MAGT1: variants seen among roughly 807,000 people sequenced by gnomAD.
MAGT1 encodes the protein dolichyl-diphosphooligosaccharide--protein glycosyltransferase subunit MAGT1.
A neutral mutation model predicts 28.4 loss-of-function variants in MAGT1; 4 were observed. The ratio of observed to expected loss-of-function variants is 0.14; its 90% confidence interval spans 0.07 to 0.32. MAGT1 has a LOEUF of 0.32. MAGT1 is among the 10% of genes least tolerant of loss of function. The pLI is 1.00. For missense variants in MAGT1, 193 were observed against 264.5 expected, an observed-to-expected ratio of 0.73 and a Z score of 1.88; for synonymous variants, 89 against 89.7, an observed-to-expected ratio of 0.99 and a Z score of 0.04.
At chrX:77,895,476 AC>A, upstream of MAGT1, 2 of 1,184,125 alleles carry the variant, frequency 1.7e-6, no homozygotes, top group Non-Finnish European at 2.3e-6. Context: ...GGGCGTGAGA[AC>A]AGGCAAATCG....
At chrX:77,855,372 T>C (rs1557215884) in intron 6 of MAGT1, 129 bp downstream of exon 6, 1 of 499,645 alleles carries the variant, frequency 2.0e-6, no homozygotes, top group African/African-American at 2.4e-5. Flanking sequence ...TGGAAGCTTG[T>C]TAACACAAGA....
intron 1 of MAGT1, among the ~76,000 whole-genome samples, chrX:77,878,214 G>A (rs1265916099): frequency 9.0e-5 from 9 of 99,881 alleles, no homozygotes; most frequent in Non-Finnish European, 1.2e-4. Flanking sequence ...GCTTGAACCC[G>A]GGAGACGGAG....
intron 2 of MAGT1, among the ~76,000 whole-genome samples, chrX:77,871,689 A>C (rs1168858525): frequency 1.8e-5 from 2 of 110,756 alleles, no homozygotes; most frequent in Non-Finnish European, 3.8e-5. Context: ...CAAAAATACA[A>C]AAATTAACCG....
chrX:77,841,264 C>G lies in MAGT1; in HGVS notation c.883G>C (p.Asp295His). The part of the protein sequence containing the change: ...LLCEAATSDM[D>H]IGKRKIMCVA... ...GACTTACTCTTTCGCTTTCCAATAT[C>G]CATGTCAGAGGTAGCAGCTTCACAT... Residue 295 changes from aspartate to histidine, a missense_variant, in exon 8 of 10, where the codon GAT becomes CAT. By Grantham distance (81) the Asp-to-His change is moderately conservative. Transcript: ENST00000618282. The G allele has an allele frequency of 8.3e-7, 1 of 1,205,188 alleles. No homozygotes were observed. The highest frequency in any genetic ancestry group is 1.1e-6 in the Non-Finnish European group (1 of 889,837).
At chrX:77,874,899 G>T (rs1307355529) in intron 2 of MAGT1, among the ~76,000 whole-genome samples, 1 of 107,769 alleles carries the variant, frequency 9.3e-6, no homozygotes, top group Non-Finnish European at 1.9e-5. Context: ...CTGTCGCCCA[G>T]GCTGGAGTGC....
chrX:77,866,140 C>T lies in MAGT1; in HGVS notation c.390+4668G>A, dbSNP rs1480432229. Among the ~76,000 whole-genome samples the T allele has an allele frequency of 3.3e-4, 21 of 62,976 alleles. 4 individuals are homozygous for T. The highest frequency in any genetic ancestry group is 7.7e-4 in the Non-Finnish European group (18 of 23,482). 54.7% of individuals were successfully genotyped at this position (62,976 alleles called of 115,157 possible). On this transcript the variant is annotated intron_variant, in intron 3 of 9. Transcript: ENST00000618282. Reference sequence around the variant, plus strand: ...CACTCCAGCCTGGGTGACAGCAAGACTCCACCTCAATTAAAAAAAAAAAAA... The same window carrying T: ...CACTCCAGCCTGGGTGACAGCAAGATTCCACCTCAATTAAAAAAAAAAAAA...
intron 7 of MAGT1, 30 bp from the exon 8 acceptor site, chrX:77,841,350 C>T (rs1557214390): frequency 2.0e-6 from 2 of 1,002,348 alleles, no homozygotes; most frequent in Non-Finnish European, 2.8e-6. Flanking sequence ...GAGAAATTCG[C>T]ACAGACAAAA....
At chrX:77,876,272 T>C (rs1421854407) in intron 1 of MAGT1, among the ~76,000 whole-genome samples, 1 of 102,114 alleles carries the variant, frequency 9.8e-6, no homozygotes, top group East Asian at 3.0e-4. Context: ...CTCCCAAGTG[T>C]TGGCATTACA....
intron 9 of MAGT1, among the ~76,000 whole-genome samples, chrX:77,830,216 G>A (rs1461939480): frequency 6.2e-5 from 7 of 112,014 alleles, no homozygotes; most frequent in African/African-American, 2.3e-4. Flanking sequence ...TAGCCTCTTG[G>A]GAAGCTGAGG....
intron 3 of MAGT1, among the ~76,000 whole-genome samples, chrX:77,869,129 C>A (rs1200650171): frequency 9.0e-6 from 1 of 111,265 alleles, no homozygotes; most frequent in Non-Finnish European, 1.9e-5. Context: ...GATTCTCATG[C>A]CTCAGCATCC....
At chrX:77,895,467 G>C (rs782611031), upstream of MAGT1, 2 of 1,190,543 alleles carry the variant, frequency 1.7e-6, no homozygotes, top group East Asian at 6.1e-5. Context: ...CTGAGGGTGG[G>C]GCGTGAGAAC....
intron 3 of MAGT1, among the ~76,000 whole-genome samples, chrX:77,864,441 C>T (rs1361471975): frequency 9.0e-6 from 1 of 110,987 alleles, no homozygotes; most frequent in Non-Finnish European, 1.9e-5. Flanking sequence ...GAAATGTTCC[C>T]AACATATAGA....
chrX:77,857,254 T>A lies in MAGT1; in HGVS notation c.531+103A>T, dbSNP rs1250118597. 4.9e-6 allele frequency: 5 copies of A among 1,011,872 alleles called. No homozygotes were observed. In the African/African-American group the frequency reaches 9.4e-5, roughly 19 times the overall value. The allele number at this position is 1,011,872 out of a possible 1,213,427, so 83.4% of individuals were successfully genotyped here. A position where few individuals can be genotyped will look rare whatever the true frequency, so the allele number is the denominator to read the frequency against. ...GCTACTTATGAAGTGACTGCCAAAC[T>A]AGTACCACCTCAGTGATATGGGGAC... On this transcript the variant is annotated intron_variant, in intron 4 of 9. Coordinates refer to ENST00000618282, the MANE Select transcript of MAGT1 (RefSeq NM_001367916.1).
rs891827238 is a variant in MAGT1 at position 77,840,018 on chromosome X, T to C, written c.901+1228A>G. Among the ~76,000 whole-genome samples the C allele has an allele frequency of 3.7e-4, 41 of 111,002 alleles. 1 individual carries two copies. The highest frequency in any genetic ancestry group is 1.3e-3 in the African/African-American group (40 of 30,610). On this transcript the variant is annotated intron_variant, in intron 8 of 9. Coordinates refer to ENST00000618282, the MANE Select transcript of MAGT1 (RefSeq NM_001367916.1). ...AACTTGCCAAAATAATCTGTAATGA[T>C]TAAAACATCAAGAGAATTGAAAATA...
At chrX:77,864,360 A>G (rs1028986500) in intron 3 of MAGT1, among the ~76,000 whole-genome samples, 1 of 110,867 alleles carries the variant, frequency 9.0e-6, no homozygotes, top group Non-Finnish European at 1.9e-5. Context: ...CTAATGTTCC[A>G]TAGCAGAGTA....
At chrX:77,835,345 G>C (rs2076913696) in intron 8 of MAGT1, among the ~76,000 whole-genome samples, 1 of 111,624 alleles carries the variant, frequency 9.0e-6, no homozygotes, top group African/African-American at 3.3e-5. Flanking sequence ...ATGATCATCA[G>C]AGAAATGCAA....
chrX:77,876,165 T>TATATATATATATATATATATATATA (rs1491126690), intron 1 of MAGT1, among the ~76,000 whole-genome samples: 2 of 13,370 alleles, frequency 1.5e-4, no homozygotes, highest in African/African-American at 3.8e-4. Flanking sequence ...TATATATATA[T>TATATATATATATATATATATATATA]TTTTTTTTTT....
chrX:77,880,443 T>G (rs782347597), intron 1 of MAGT1, among the ~76,000 whole-genome samples: 1 of 108,202 alleles, frequency 9.2e-6, no homozygotes, highest in Admixed American at 1.0e-4. Flanking sequence ...GCAGGAGAAT[T>G]GCTTGAACCC....
At chrX:77,888,090 A>G (rs2077072347) in intron 1 of MAGT1, among the ~76,000 whole-genome samples, 1 of 112,121 alleles carries the variant, frequency 8.9e-6, no homozygotes, top group African/African-American at 3.2e-5. Flanking sequence ...GATTACAGGC[A>G]TGATCGACTG....
Sources: gnomAD v4.1 joint callset for allele counts (sites outside exome capture counted in the v4.1 genomes callset) on GRCh38, gnomAD v4.1.1 for gene constraint, MANE v1.5 for transcripts, NCBI Gene and HGNC (gene_info 2026-07-23, HGNC 2026-07-21) for gene names.